The following TTC28 variants were observed in gnomAD, a reference collection of about 807,000 sequenced individuals.
TTC28 encodes the protein tetratricopeptide repeat domain 28.
Under a neutral mutation model 198.0 loss-of-function variants are expected in TTC28, and 61 were observed. That is an observed-to-expected ratio of 0.31 (90% CI 0.25 to 0.38). The LOEUF (loss-of-function observed/expected upper bound fraction) is 0.38. TTC28 is among the 10% of genes least tolerant of loss of function. The probability of loss-of-function intolerance (pLI) is 1.00; values close to 1 mark genes in which losing one functional copy is unlikely to be tolerated. For synonymous variants in TTC28, 1,171 were observed against 1,297.8 expected, an observed-to-expected ratio of 0.90 and a Z score of 2.10; for missense variants, 2,678 against 3,164.0, an observed-to-expected ratio of 0.85 and a Z score of 3.69.
chr22:28,570,547 G>C (rs1345187792), intron 2 of TTC28, among the ~76,000 whole-genome samples: 1 of 152,160 alleles, frequency 6.6e-6, no homozygotes. Context: ...GGGCCTGCTT[G>C]AGGTTTGAGG....
At chr22:28,335,822 A>C (rs935832415) in intron 2 of TTC28, among the ~76,000 whole-genome samples, 1 of 151,950 alleles carries the variant, frequency 6.6e-6, no homozygotes, top group Non-Finnish European at 1.5e-5. Flanking sequence ...TAACTGAATA[A>C]CATTTATTTT....
chr22:28,381,865 G>T (rs1363573605), intron 2 of TTC28, among the ~76,000 whole-genome samples: 1 of 152,110 alleles, frequency 6.6e-6, no homozygotes, highest in Non-Finnish European at 1.5e-5. Context: ...CTCTGATAAT[G>T]CAATAGATTA....
In TTC28 at chr22:27,999,826, A is replaced by G. The variant is rs557348448; in HGVS notation, c.4399-566T>C. On this transcript the variant is annotated intron_variant, in intron 15 of 22. Transcript: ENST00000397906. The stretch of plus-strand genomic sequence containing the variant: ...CTGAATGAGAAAATCAGCATAAAGA[A>G]GCCCAATAATGTCTGCCTGAGTTTC... The G allele has an allele frequency of 3.3e-5, 5 of 152,602 alleles. No homozygotes were observed. The South Asian group carries it at 8.3e-4, about 25-fold the overall frequency. The allele number at this position is 152,602 out of a possible 1,614,324, so 9.5% of individuals were successfully genotyped here.
intron 2 of TTC28, among the ~76,000 whole-genome samples, chr22:28,442,034 C>G (rs2047630121): frequency 6.6e-6 from 1 of 152,128 alleles, no homozygotes; most frequent in South Asian, 2.1e-4. Flanking sequence ...TCTCCCTCGA[C>G]GTCCTAGGGT....
At chr22:28,537,306 A>ATAACATAACATAACATAACATAAC in intron 2 of TTC28, among the ~76,000 whole-genome samples, 1 of 121,136 alleles carries the variant, frequency 8.3e-6, no homozygotes, top group Admixed American at 8.5e-5. Context: ...AATAAAATAA[A>ATAACATAACATAACATAACATAAC]ATAAAATAAA....
chr22:28,436,672 C>T (rs180718738), intron 2 of TTC28, among the ~76,000 whole-genome samples: 2 of 152,284 alleles, frequency 1.3e-5, no homozygotes, highest in Non-Finnish European at 1.5e-5. Flanking sequence ...AAGGAACTCT[C>T]GTAAGCATTT....
intron 2 of TTC28, among the ~76,000 whole-genome samples, chr22:28,362,443 T>A (rs2046174051): frequency 6.6e-6 from 1 of 152,172 alleles, no homozygotes; most frequent in African/African-American, 2.4e-5. Flanking sequence ...CTTGGGTATG[T>A]CTTTATCAGC....
intron 5 of TTC28, among the ~76,000 whole-genome samples, chr22:28,177,029 CT>C (rs1437445391): frequency 4.6e-5 from 7 of 152,068 alleles, no homozygotes. Flanking sequence ...TTAAGTTGAA[CT>C]TCATTAATAT....
intron 2 of TTC28, among the ~76,000 whole-genome samples, chr22:28,416,505 T>C (rs1402055446): frequency 6.6e-6 from 1 of 152,224 alleles, no homozygotes; most frequent in East Asian, 1.9e-4. Flanking sequence ...ACTTTGCTAG[T>C]GACAAATCAG....
At chr22:28,285,391 G>C (rs141892557) in intron 5 of TTC28, among the ~76,000 whole-genome samples, 1 of 152,290 alleles carries the variant, frequency 6.6e-6, no homozygotes, top group African/African-American at 2.4e-5. Context: ...GTAGAACAGT[G>C]GTTGCCAGGG....
chr22:28,452,725 GCA>G (rs1419116414), intron 2 of TTC28, among the ~76,000 whole-genome samples: 3 of 152,146 alleles, frequency 2.0e-5, no homozygotes, highest in Non-Finnish European at 4.4e-5. Context: ...AAAATGCCTA[GCA>G]TTGGAATTGC....
chr22:28,210,223 G>C (rs1569199944), intron 5 of TTC28, among the ~76,000 whole-genome samples: 3 of 152,198 alleles, frequency 2.0e-5, no homozygotes, highest in South Asian at 2.1e-4. Context: ...CTAAAAATCA[G>C]AGTGCCTCTT....
intron 6 of TTC28, among the ~76,000 whole-genome samples, chr22:28,160,717 T>C (rs994976472): frequency 6.6e-6 from 1 of 152,232 alleles, no homozygotes; most frequent in African/African-American, 2.4e-5. Flanking sequence ...TAGTTGACAC[T>C]GAGGAGTGGG....
In TTC28 at chr22:28,312,457, G is replaced by A. The variant is rs184958407; in HGVS notation, c.382-5814C>T. ...TTATTCTAAAATTGACCACATAATT[G>A]GAAGTAAAACACTCCTCAGCAAATA... On this transcript the variant is annotated intron_variant, in intron 2 of 22. Transcript: ENST00000397906. 8.8e-3 allele frequency among the ~76,000 whole-genome samples: 1,332 copies of A among 152,126 alleles called. 17 individuals are homozygous for A. Among genetic ancestry groups the A allele is most frequent in the African/African-American group, 0.03 (1,260 of 41,488 alleles).
At chr22:28,181,714 A>C (rs1214887280) in intron 5 of TTC28, among the ~76,000 whole-genome samples, 1 of 152,186 alleles carries the variant, frequency 6.6e-6, no homozygotes, top group Non-Finnish European at 1.5e-5. Flanking sequence ...CACCTCCTCC[A>C]GGATACTTAA....
intron 2 of TTC28, among the ~76,000 whole-genome samples, chr22:28,616,332 A>T (rs1365618318): frequency 6.6e-6 from 1 of 152,210 alleles, no homozygotes; most frequent in Non-Finnish European, 1.5e-5. Context: ...TATTGTGAGT[A>T]TAAAATTGGT....
intron 2 of TTC28, among the ~76,000 whole-genome samples, chr22:28,591,184 C>T (rs2050429992): frequency 6.7e-6 from 1 of 149,704 alleles, no homozygotes; most frequent in African/African-American, 2.5e-5. Context: ...CCATGGCTCA[C>T]TGCACCCTTA....
At chr22:28,066,091 C>T (rs1293751347) in intron 12 of TTC28, among the ~76,000 whole-genome samples, 1 of 152,048 alleles carries the variant, frequency 6.6e-6, no homozygotes, top group Non-Finnish European at 1.5e-5. Flanking sequence ...AACTGTTGGC[C>T]AGGGTTTTTT....
intron 1 of TTC28, among the ~76,000 whole-genome samples, chr22:28,646,262 C>A (rs547377186): frequency 2.2e-4 from 33 of 152,262 alleles, no homozygotes; most frequent in African/African-American, 7.9e-4. Flanking sequence ...GCACTGGCAA[C>A]AATCAAGCTG....
Sources: allele counts gnomAD v4.1 joint callset (sites outside exome capture counted in the v4.1 genomes callset), GRCh38; gene constraint gnomAD v4.1.1; transcripts MANE v1.5; gene names NCBI Gene and HGNC (gene_info 2026-07-23, HGNC 2026-07-21).